The following TMEM132C variants were observed in gnomAD, a reference collection of about 807,000 sequenced individuals.
The protein encoded by TMEM132C is transmembrane protein 132C.
In TMEM132C, 29 loss-of-function variants were observed where a neutral mutation model predicts 61.4. The ratio of observed to expected loss-of-function variants is 0.47; its 90% confidence interval spans 0.35 to 0.64. The LOEUF is 0.64. Among genes scored for constraint, TMEM132C ranks in the 30% least tolerant of loss-of-function variants. The probability of loss-of-function intolerance (pLI) is 0.00; values close to 1 mark genes in which losing one functional copy is unlikely to be tolerated. For synonymous variants in TMEM132C, 656 were observed against 633.1 expected (o/e 1.04, Z -0.54); for missense variants, 1,408 against 1,476.9 (o/e 0.95, Z 0.76).
chr12:128,665,282 C>A, intron 4 of TMEM132C, among the ~76,000 whole-genome samples: 1 of 135,356 alleles, frequency 7.4e-6, no homozygotes, highest in African/African-American at 3.7e-5. Flanking sequence ...GGCACACGCA[C>A]ACACAGGCAC....
chr12:128,354,304 A>G (rs544105712), intron 1 of TMEM132C, among the ~76,000 whole-genome samples: 40 of 152,132 alleles, frequency 2.6e-4, no homozygotes, highest in Middle Eastern at 3.4e-3. Flanking sequence ...GGGGCATTAG[A>G]TAGGGTGAAG....
chr12:128,321,931 G>T (rs780798252), intron 1 of TMEM132C, among the ~76,000 whole-genome samples: 8 of 152,272 alleles, frequency 5.3e-5, no homozygotes, highest in African/African-American at 9.6e-5. Flanking sequence ...AGACCCTAAG[G>T]CTTGTGTGGT....
intron 2 of TMEM132C, among the ~76,000 whole-genome samples, chr12:128,453,856 G>A (rs1025908553): frequency 6.6e-6 from 1 of 152,274 alleles, no homozygotes; most frequent in East Asian, 1.9e-4. Flanking sequence ...CAAGAAAGAT[G>A]ATAGGTTTTG....
At chr12:128,397,220 C>T (rs1036955104) in intron 1 of TMEM132C, among the ~76,000 whole-genome samples, 3 of 152,202 alleles carry the variant, frequency 2.0e-5, no homozygotes, top group Admixed American at 2.0e-4. Flanking sequence ...CTCCAGCATA[C>T]TGTGTCTCCA....
rs377410290 is a variant in TMEM132C at position 128,551,209 on chromosome 12, GC to G, written c.1121+7115del. 1.2e-3 allele frequency among the ~76,000 whole-genome samples: 180 copies of G among 147,228 alleles called. 1 individual carries two copies. Among genetic ancestry groups the G allele is most frequent in the Middle Eastern group, 6.9e-3 (2 of 288 alleles). On this transcript the variant is annotated intron_variant, in intron 3 of 8. Transcript: ENST00000435159. ...AACTGAGACTCTCAGAAACATAAGA[GC>G]CCCCCCCCTCCCGCTTCCTCCCCTG... is the stretch of plus-strand genomic sequence containing the variant.
chr12:128,317,335 A>G (rs1291924217), intron 1 of TMEM132C, among the ~76,000 whole-genome samples: 1 of 152,244 alleles, frequency 6.6e-6, no homozygotes. Flanking sequence ...TAACACGTTT[A>G]TCTGTTCAAG....
chr12:128,484,515 C>T (rs182099225), intron 2 of TMEM132C, among the ~76,000 whole-genome samples: 1 of 152,310 alleles, frequency 6.6e-6, no homozygotes, highest in East Asian at 1.9e-4. Flanking sequence ...TCCAAGACTT[C>T]TGCCTCCTAT....
intron 4 of TMEM132C, among the ~76,000 whole-genome samples, chr12:128,625,419 TC>T (rs1954005362): frequency 6.6e-6 from 1 of 152,118 alleles, no homozygotes. Context: ...ACTGTATTAG[TC>T]CATTTTCATG....
At position 128,591,297 on chromosome 12, in the gene TMEM132C, C is replaced by A. The variant is rs576601343; in HGVS notation, c.1122-24855C>A. Among the ~76,000 whole-genome samples, 39 of 152,226 alleles carry A rather than the reference C, an allele frequency of 2.6e-4. No individual in the cohort carries two copies. The East Asian group carries it at 7.3e-3, about 29-fold the overall frequency. ...CCCCGCCTCCCCCAGCCCCCGGCAA[C>A]AACTCATCTGCTTTCTGTCTCTGTG... On this transcript the variant is annotated intron_variant, in intron 3 of 8. Transcript: ENST00000435159.
intron 5 of TMEM132C, among the ~76,000 whole-genome samples, chr12:128,672,099 G>A (rs12227367): frequency 1.1e-4 from 16 of 152,036 alleles, no homozygotes; most frequent in African/African-American, 3.4e-4. Flanking sequence ...TCTACATGTA[G>A]TCTATATAAA....
chr12:128,695,732 A>T (rs1002183385), intron 6 of TMEM132C, 98 bp from the exon 7 acceptor site: 4 of 1,356,698 alleles, frequency 2.9e-6, no homozygotes, highest in Non-Finnish European at 3.9e-6. Flanking sequence ...CGTGTCTTCA[A>T]TGTGGTCTCC....
Position 128,394,706 on chromosome 12 carries a change from G to GA in TMEM132C, c.86-20020dup, listed in dbSNP as rs200102857. Among the ~76,000 whole-genome samples the GA allele has an allele frequency of 4.2e-3, 637 of 152,110 alleles. 8 individuals are homozygous for GA. The highest frequency in any genetic ancestry group is 0.014 in the African/African-American group (597 of 41,502). ...TTAAGAATAGCAAAGAACAAGTAGGGAAAAAATAAGAAATTCTACCTTTAA... is the reference window on the plus strand; with the variant it reads ...TTAAGAATAGCAAAGAACAAGTAGGGAAAAAAATAAGAAATTCTACCTTTAA... On this transcript the variant is annotated intron_variant, in intron 1 of 8. Transcript: ENST00000435159.
At chr12:128,626,052 A>G (rs1156661125) in intron 4 of TMEM132C, among the ~76,000 whole-genome samples, 1 of 152,130 alleles carries the variant, frequency 6.6e-6, no homozygotes, top group Non-Finnish European at 1.5e-5. Context: ...TTATTACTTA[A>G]TTCAGTAATA....
rs112944574 is a variant in TMEM132C at position 128,388,695 on chromosome 12, A to G, written c.86-26037A>G. Among the ~76,000 whole-genome samples the G allele has an allele frequency of 2.4e-3, 367 of 152,334 alleles. 1 individual carries two copies. The highest frequency in any genetic ancestry group is 8.3e-3 in the African/African-American group (347 of 41,584). On this transcript the variant is annotated intron_variant, in intron 1 of 8. Coordinates refer to ENST00000435159, the MANE Select transcript of TMEM132C (RefSeq NM_001136103.3). ...CCTTGCTGTGGGGGCCACCCCAAAG[A>G]GGTACAATCATCCTCCAAGGAGGCT...
At position 128,679,677 on chromosome 12, in the gene TMEM132C, C is replaced by T. The variant is rs143308673; in HGVS notation, c.1449+10117C>T. Reference sequence around the variant, plus strand: ...AGCTATGATTTCCTCATTCTCTTCACGGATATTTATTGAGCACGTACTATG... The same window carrying T: ...AGCTATGATTTCCTCATTCTCTTCATGGATATTTATTGAGCACGTACTATG... On this transcript the variant is annotated intron_variant, in intron 5 of 8. Transcript: ENST00000435159. Among the ~76,000 whole-genome samples the T allele has an allele frequency of 5.3e-3, 805 of 152,296 alleles. 5 individuals are homozygous for T. The highest frequency in any genetic ancestry group is 7.7e-3 in the Non-Finnish European group (523 of 68,016).
At chr12:128,327,663 G>A (rs1420403775) in intron 1 of TMEM132C, among the ~76,000 whole-genome samples, 2 of 152,146 alleles carry the variant, frequency 1.3e-5, no homozygotes, top group African/African-American at 4.8e-5. Flanking sequence ...GATTACAGGC[G>A]TGAGCCACTG....
In TMEM132C at chr12:128,326,451, T is replaced by C. The variant is rs1374024531; in HGVS notation, c.85+58964T>C. On this transcript the variant is annotated intron_variant, in intron 1 of 8. Coordinates refer to ENST00000435159, the MANE Select transcript of TMEM132C (RefSeq NM_001136103.3). The surrounding 1 kb of genome is among the most constrained non-coding windows in gnomAD (Gnocchi z 5.6). ...TTATCCCCCTCTGGTTCAGATATCT[T>C]TGCAAAGGCAGATGTACAAATCATC... 6.6e-6 allele frequency among the ~76,000 whole-genome samples: 1 copy of C among 152,228 alleles called. No homozygotes were observed. Among genetic ancestry groups the C allele is most frequent in the Non-Finnish European group, 1.5e-5 (1 of 68,042 alleles).
At chr12:128,515,403 A>G (rs1247551550) in intron 2 of TMEM132C, among the ~76,000 whole-genome samples, 1 of 152,230 alleles carries the variant, frequency 6.6e-6, no homozygotes, top group Non-Finnish European at 1.5e-5. Flanking sequence ...ATGGCCAAAT[A>G]CAAGAACTGG....
chr12:128,476,535 A>T (rs1184918651), intron 2 of TMEM132C, among the ~76,000 whole-genome samples: 3 of 152,160 alleles, frequency 2.0e-5, no homozygotes, highest in Non-Finnish European at 4.4e-5. Flanking sequence ...ATCTAGAAAA[A>T]AGCCTCCTGT....
Sources: gnomAD v4.1 joint callset for allele counts (sites outside exome capture counted in the v4.1 genomes callset) on GRCh38, gnomAD v4.1.1 for gene constraint, Gnocchi (gnomAD v3.1) non-coding constraint, MANE v1.5 for transcripts, NCBI Gene and HGNC (gene_info 2026-07-23, HGNC 2026-07-21) for gene names.